POLB: variants seen among roughly 807,000 people sequenced by gnomAD.
POLB encodes 5'-dRP lyase.
In POLB, 37 loss-of-function variants were observed where a neutral mutation model predicts 52.7. That is an observed-to-expected ratio of 0.70 (90% CI 0.54 to 0.92). The LOEUF (loss-of-function observed/expected upper bound fraction) is 0.92. Ranked by LOEUF, POLB falls within the 40% of genes least tolerant of loss-of-function variation. The pLI, the probability that POLB is intolerant of heterozygous loss-of-function variation, is 0.00. For synonymous variants in POLB, 138 were observed against 131.3 expected, an observed-to-expected ratio of 1.05 and a Z score of -0.35; for missense variants, 313 against 400.8, an observed-to-expected ratio of 0.78 and a Z score of 1.87.
At chr8:42,341,015 A>G (rs1171451779) in intron 2 of POLB, among the ~76,000 whole-genome samples, 1 of 152,190 alleles carries the variant, frequency 6.6e-6, no homozygotes, top group Non-Finnish European at 1.5e-5. Flanking sequence ...CATGAAGGGT[A>G]TAACGTTTTC....
At chr8:42,366,104 GAA>G (rs113409823) in intron 11 of POLB, among the ~76,000 whole-genome samples, 3 of 141,192 alleles carry the variant, frequency 2.1e-5, no homozygotes, top group South Asian at 2.2e-4. Context: ...CCTCCCAAAG[GAA>G]AAAAAAAAAA....
chr8:42,341,054 G>A (rs564366897), intron 2 of POLB, among the ~76,000 whole-genome samples: 1 of 152,166 alleles, frequency 6.6e-6, no homozygotes, highest in Non-Finnish European at 1.5e-5. Flanking sequence ...TTTGCTTAAC[G>A]GGTATGGTAT....
chr8:42,353,669 A>G (rs1216137005), intron 6 of POLB, among the ~76,000 whole-genome samples: 5 of 152,054 alleles, frequency 3.3e-5, no homozygotes, highest in African/African-American at 1.2e-4. Context: ...TATCCATGGC[A>G]TTTGGGATTT....
intron 12 of POLB, 108 bp downstream of exon 12, chr8:42,369,443 T>A (rs750332077): frequency 1.5e-6 from 1 of 650,772 alleles, no homozygotes; most frequent in Non-Finnish European, 2.7e-6. Flanking sequence ...AGCCTTTTTT[T>A]ACTCCCAAGA....
intron 5 of POLB, among the ~76,000 whole-genome samples, chr8:42,350,328 A>C (rs1264843043): frequency 6.6e-6 from 1 of 151,552 alleles, no homozygotes; most frequent in East Asian, 1.9e-4. Flanking sequence ...CCTCCTCTGA[A>C]CTCCACTACC....
chr8:42,346,166 CT>C (rs1822597445), intron 3 of POLB, among the ~76,000 whole-genome samples: 1 of 152,152 alleles, frequency 6.6e-6, no homozygotes, highest in Non-Finnish European at 1.5e-5. Context: ...AGGTGATCCA[CT>C]GCCTTGAGCC....
Position 42,342,789 on chromosome 8 carries a change from G to T in POLB, c.120-2164G>T, listed in dbSNP as rs574197641. On this transcript the variant is annotated intron_variant, in intron 2 of 13. Transcript: ENST00000265421. ...GCGGGTGGATGGCATGAACCCAGGA[G>T]TTCAAGACCAACCTGGGCAACATAG... 3.7e-4 allele frequency among the ~76,000 whole-genome samples: 56 copies of T among 152,004 alleles called. 1 individual carries two copies. The highest frequency in any genetic ancestry group is 9.9e-4 in the African/African-American group (41 of 41,434).
chr8:42,349,703 T>G (rs758296237), intron 4 of POLB, among the ~76,000 whole-genome samples: 2 of 152,228 alleles, frequency 1.3e-5, no homozygotes, highest in Non-Finnish European at 2.9e-5. Flanking sequence ...TTAGAATTTC[T>G]ATGTTTACAC....
intron 11 of POLB, among the ~76,000 whole-genome samples, chr8:42,365,959 G>C (rs1421576847): frequency 6.6e-6 from 1 of 152,128 alleles, no homozygotes; most frequent in Non-Finnish European, 1.5e-5. Context: ...AATTAGCTGG[G>C]CGTGGTGGCG....
chr8:42,360,268 A>G (rs1365384830), intron 9 of POLB, among the ~76,000 whole-genome samples: 3 of 151,746 alleles, frequency 2.0e-5, no homozygotes, highest in Non-Finnish European at 4.4e-5. Flanking sequence ...GGCCTTCTTT[A>G]TATTTAAATA....
intron 10 of POLB, chr8:42,361,621 C>T (rs1395931228): frequency 7.4e-6 from 3 of 407,360 alleles, no homozygotes; most frequent in Admixed American, 4.1e-5. Flanking sequence ...GAACGATTTA[C>T]TGTCTGTGAT....
chr8:42,351,416 C>T (rs1822972969), intron 5 of POLB, among the ~76,000 whole-genome samples: 1 of 152,208 alleles, frequency 6.6e-6, no homozygotes, highest in South Asian at 2.1e-4. Context: ...ACTGTGGCCC[C>T]AGACTATTGT....
At position 42,355,545 on chromosome 8, in the gene POLB, C is replaced by G; in HGVS notation, c.400C>G (p.His134Asp). The change falls in exon 7 of 14, where the codon CAT (histidine) becomes GAT (aspartate). Residue 134 changes from histidine (H) to aspartate (D), a missense_variant. By Grantham distance (81) the His-to-Asp change is moderately conservative. This residue lies in a region of POLB where 246 missense variants were observed against 297.6 expected (regional missense o/e 0.83). Coordinates refer to ENST00000265421, the MANE Select transcript of POLB (RefSeq NM_002690.3). Reference protein sequence around the residue: ...DLRKNEDKLNHHQRIGLKYFG... With the variant: ...DLRKNEDKLNDHQRIGLKYFG... ...CAGAAAAAATGAAGATAAATTGAACCATCATCAGCGAATTGGGCTGAAGTA... is the reference window on the plus strand; with the variant it reads ...CAGAAAAAATGAAGATAAATTGAACGATCATCAGCGAATTGGGCTGAAGTA... The G allele has an allele frequency of 6.3e-7, 1 of 1,594,012 alleles. No homozygotes were observed. Among genetic ancestry groups the G allele is most frequent in the Non-Finnish European group, 8.6e-7 (1 of 1,162,580 alleles).
intron 6 of POLB, among the ~76,000 whole-genome samples, chr8:42,353,776 TG>T (rs1404674063): frequency 6.6e-6 from 1 of 152,076 alleles, no homozygotes; most frequent in Non-Finnish European, 1.5e-5. Context: ...TTTATTAGAG[TG>T]GGATGACCTT....
In POLB at chr8:42,352,553, A is replaced by G. The variant is rs750011729; in HGVS notation, c.355A>G (p.Ile119Val). 1 of 1,593,854 alleles carries G rather than the reference A, an allele frequency of 6.3e-7. No homozygotes were observed. Among genetic ancestry groups the G allele is most frequent in the South Asian group, 1.1e-5 (1 of 90,616 alleles). Residue 119 changes from isoleucine to valine, a missense_variant, in exon 6 of 14, where the codon ATT (isoleucine) becomes GTT (valine). Around this residue, in one of 3 missense-constraint regions of POLB, gnomAD observed 246 missense variants for 297.6 expected, o/e 0.83. Transcript: ENST00000265421. ...TGCAAGGAAGTTTGTAGATGAAGGA[A>G]TTAAAACACTAGAAGGTGAGTATGA... ...SAARKFVDEG[I>V]KTLEDLRKNE...
intron 3 of POLB, among the ~76,000 whole-genome samples, chr8:42,348,645 T>G (rs1227134653): frequency 6.6e-6 from 1 of 152,200 alleles, no homozygotes; most frequent in African/African-American, 2.4e-5. Flanking sequence ...TGACAACCTC[T>G]GTTCTAAAGG....
chr8:42,341,156 A>G (rs548777526), intron 2 of POLB, among the ~76,000 whole-genome samples: 2 of 152,360 alleles, frequency 1.3e-5, no homozygotes, highest in South Asian at 4.1e-4. Context: ...GATTGTGGCC[A>G]AAGTATTCTT....
chr8:42,342,084 C>T lies in POLB; in HGVS notation c.120-2869C>T, dbSNP rs540443765. On this transcript the variant is annotated intron_variant, in intron 2 of 13. Coordinates refer to ENST00000265421, the MANE Select transcript of POLB (RefSeq NM_002690.3). ...TTCTGGTGTAATTCTGCATTGAATT[C>T]CTTGCTTTCAGAATCATAACCAGGG... 9 of 1,072,226 alleles carry T rather than the reference C, an allele frequency of 8.4e-6. No individual in the cohort carries two copies. In the African/African-American group the frequency reaches 1.2e-4, roughly 15 times the overall value. 66.4% of individuals were successfully genotyped at this position (1,072,226 alleles called of 1,614,324 possible). A position where few individuals can be genotyped will look rare whatever the true frequency, so the allele number is the denominator to read the frequency against.
chr8:42,359,660 G>A (rs1387216883), intron 9 of POLB, among the ~76,000 whole-genome samples: 2 of 151,028 alleles, frequency 1.3e-5, no homozygotes, highest in Non-Finnish European at 2.9e-5. Flanking sequence ...CACCATGCCC[G>A]GCCCCTTATT....
Sources: allele counts gnomAD v4.1 joint callset (sites outside exome capture counted in the v4.1 genomes callset), GRCh38; gene constraint gnomAD v4.1.1; regional missense constraint gnomAD v4.1.1; transcripts MANE v1.5; gene names NCBI Gene and HGNC (gene_info 2026-07-23, HGNC 2026-07-21).